BACE2: variants seen among roughly 807,000 people sequenced by gnomAD.
The protein encoded by BACE2 is beta-secretase 2.
Under a neutral mutation model 46.2 loss-of-function variants are expected in BACE2, and 17 were observed. The ratio of observed to expected loss-of-function variants is 0.37; its 90% CI spans 0.25 to 0.55. The LOEUF (loss-of-function observed/expected upper bound fraction) is 0.55, where lower values mean the gene tolerates loss of function less well. BACE2 is among the 20% of genes least tolerant of loss of function. The pLI is 0.82. For synonymous variants in BACE2, 277 were observed against 295.9 expected, an observed-to-expected ratio of 0.94 and a Z score of 0.66; for missense variants, 595 against 698.1, an observed-to-expected ratio of 0.85 and a Z score of 1.66.
In BACE2 at chr21:41,168,459, C is replaced by CCTGCCCTGGCGT. The variant is rs1221656515; in HGVS notation, c.198_209dup (p.Ala67_Ser70dup). The CCTGCCCTGGCGT allele has an allele frequency of 7.1e-7, 1 of 1,398,622 alleles. No individual in the cohort carries two copies. The highest frequency in any genetic ancestry group is 3.3e-5 in the Admixed American group (1 of 30,416). The allele number at this position is 1,398,622 out of a possible 1,614,324, so 86.6% of individuals were successfully genotyped here. On this transcript the variant is annotated inframe_insertion, in exon 1 of 9. Coordinates refer to ENST00000330333, the MANE Select transcript of BACE2 (RefSeq NM_012105.5). ...CGACGGCTTGGCGCTCGCCCTGGAG[C>CCTGCCCTGGCGT]CTGCCCTGGCGTCCCCCGCGGGCGC...
intron 1 of BACE2, among the ~76,000 whole-genome samples, chr21:41,213,064 G>A (rs961263823): frequency 6.6e-6 from 1 of 152,162 alleles, no homozygotes; most frequent in African/African-American, 2.4e-5. Context: ...CCCAGGTGGG[G>A]GCTCATGGAC....
At chr21:41,194,903 T>C (rs1307521630) in intron 1 of BACE2, among the ~76,000 whole-genome samples, 1 of 152,240 alleles carries the variant, frequency 6.6e-6, no homozygotes, top group Non-Finnish European at 1.5e-5. Context: ...TGTTTACTGT[T>C]GTTTTTGTTG....
chr21:41,179,236 T>TGTCCAGGGTGAGGAGTGAGGGA (rs777842563), intron 1 of BACE2: 23 of 1,227,720 alleles, frequency 1.9e-5, no homozygotes, highest in South Asian at 5.5e-5. Context: ...GGAGTGAGGG[T>TGTCCAGGGTGAGGAGTGAGGGA]GTCCAGGGTG....
rs1368825383 is a variant in BACE2, at chr21:41,277,040, C to T, written c.*1416C>T. 6.6e-6 allele frequency: 1 copy of T among 151,314 alleles called. No homozygotes were observed. Among genetic ancestry groups the T allele is most frequent in the Non-Finnish European group, 1.5e-5 (1 of 67,982 alleles). The allele number at this position is 151,314 out of a possible 1,614,324, so 9.4% of individuals were successfully genotyped here. On this transcript the variant is annotated 3_prime_UTR_variant, in exon 9 of 9. Transcript: ENST00000330333. Reference sequence around the variant, plus strand: ...GGAGAAGAGTTAAAAGACAGTATCCCCTCTCTCCTGCTTGTGTGCCAAGTT... The same window carrying T: ...GGAGAAGAGTTAAAAGACAGTATCCTCTCTCTCCTGCTTGTGTGCCAAGTT...
chr21:41,226,734 G>A (rs1468464538), intron 2 of BACE2, among the ~76,000 whole-genome samples: 1 of 152,202 alleles, frequency 6.6e-6, no homozygotes, highest in Non-Finnish European at 1.5e-5. Context: ...AGTCTGTGAG[G>A]CCACTCTGGC....
chr21:41,257,940 G>A (rs1037115454), intron 8 of BACE2, among the ~76,000 whole-genome samples: 3 of 152,166 alleles, frequency 2.0e-5, no homozygotes, highest in Non-Finnish European at 4.4e-5. Flanking sequence ...CAGACTTCAC[G>A]GTTTGCTTGA....
At position 41,276,176 on chromosome 21, in the gene BACE2, C is replaced by T. The variant is rs1433616215; in HGVS notation, c.*552C>T. On this transcript the variant is annotated 3_prime_UTR_variant, in exon 9 of 9. Coordinates refer to ENST00000330333, the MANE Select transcript of BACE2 (RefSeq NM_012105.5). ...CCCTTGAGACCTGGAACCAGAGCCACAGGCCCCTTTTGTGGGTTTCTCTGT... is the reference window on the plus strand; with the variant it reads ...CCCTTGAGACCTGGAACCAGAGCCATAGGCCCCTTTTGTGGGTTTCTCTGT... 6.5e-6 allele frequency: 1 copy of T among 153,988 alleles called. No individual in the cohort carries two copies. The highest frequency in any genetic ancestry group is 2.4e-5 in the African/African-American group (1 of 41,438). 9.5% of individuals were successfully genotyped at this position (153,988 alleles called of 1,614,324 possible). A position where few individuals can be genotyped will look rare whatever the true frequency, so the allele number is the denominator to read the frequency against.
chr21:41,212,525 G>A (rs555536850), intron 1 of BACE2, among the ~76,000 whole-genome samples: 6 of 152,262 alleles, frequency 3.9e-5, no homozygotes, highest in East Asian at 1.9e-4. Flanking sequence ...TGAGGTAGGC[G>A]GGAGGAGGAG....
chr21:41,171,060 A>G (rs2776344), intron 1 of BACE2, among the ~76,000 whole-genome samples: 57,468 of 152,142 alleles, frequency 0.38, 12,295 homozygotes, highest in African/African-American at 0.58. Flanking sequence ...GAACCACCAG[A>G]CAGATAACGA....
At chr21:41,196,088 C>A (rs973878355) in intron 1 of BACE2, among the ~76,000 whole-genome samples, 32 of 152,034 alleles carry the variant, frequency 2.1e-4, no homozygotes, top group African/African-American at 7.7e-4. Flanking sequence ...AGTTTGAGAC[C>A]AGCCTGGCCA....
At chr21:41,231,530 G>A (rs1358162184) in intron 2 of BACE2, among the ~76,000 whole-genome samples, 2 of 152,178 alleles carry the variant, frequency 1.3e-5, no homozygotes, top group South Asian at 2.1e-4. Context: ...TTCTCTTTTC[G>A]TGTTCTCTGC....
intron 8 of BACE2, among the ~76,000 whole-genome samples, chr21:41,271,395 G>A (rs1329976285): frequency 6.6e-6 from 1 of 152,138 alleles, no homozygotes; most frequent in Non-Finnish European, 1.5e-5. Context: ...AAATCAGAAA[G>A]AAGCTAACCT....
chr21:41,169,041 C>T (rs8130664), intron 1 of BACE2, among the ~76,000 whole-genome samples: 1 of 136,854 alleles, frequency 7.3e-6, no homozygotes. Flanking sequence ...TAAAGAGGCT[C>T]GTGGCCGGCT....
chr21:41,252,103 T>C (rs895268519), intron 7 of BACE2, among the ~76,000 whole-genome samples: 7 of 152,214 alleles, frequency 4.6e-5, no homozygotes, highest in African/African-American at 1.7e-4. Flanking sequence ...GTCAGATCAG[T>C]CTTCCTAAAC....
At chr21:41,227,307 C>T (rs1986848593) in intron 2 of BACE2, among the ~76,000 whole-genome samples, 1 of 152,154 alleles carries the variant, frequency 6.6e-6, no homozygotes. Flanking sequence ...AGGCTCGGAA[C>T]TGTCACATTA....
At chr21:41,181,192 AAAG>A (rs1985108087) in intron 1 of BACE2, 1 of 167,114 alleles carries the variant, frequency 6.0e-6, no homozygotes, top group Non-Finnish European at 1.5e-5. Context: ...GCTATTCCTT[AAAG>A]AAGAGGTGAC....
chr21:41,241,838 C>T lies in BACE2; in HGVS notation c.638C>T (p.Thr213Ile). The change falls in exon 4 of 9, where the codon ACC becomes ATC. Residue 213 changes from threonine (T) to isoleucine (I), a missense_variant. Physicochemically the swap from Thr to Ile is moderately conservative, Grantham distance 89 (BLOSUM62 -1). Coordinates refer to ENST00000330333, the MANE Select transcript of BACE2 (RefSeq NM_012105.5). ...CCGCAGCCATCAAGTTCTCTGGAGA[C>T]CTTCTTCGACTCCCTGGTGACACAA... Reference protein sequence around the residue: ...TLAKPSSSLETFFDSLVTQAN... With the variant: ...TLAKPSSSLEIFFDSLVTQAN... The T allele has an allele frequency of 6.2e-7, 1 of 1,614,176 alleles. No homozygotes were observed. The highest frequency in any genetic ancestry group is 8.5e-7 in the Non-Finnish European group (1 of 1,180,010).
intron 1 of BACE2, among the ~76,000 whole-genome samples, chr21:41,215,676 CAG>C (rs978408901): frequency 1.3e-5 from 2 of 152,162 alleles, no homozygotes; most frequent in African/African-American, 2.4e-5. Flanking sequence ...AAGCAGGGAA[CAG>C]GGGCGGGGAC....
At chr21:41,221,950 G>C (rs975692839) in intron 1 of BACE2, among the ~76,000 whole-genome samples, 12 of 152,248 alleles carry the variant, frequency 7.9e-5, no homozygotes, top group African/African-American at 2.9e-4. Flanking sequence ...CTTCACGCTG[G>C]TGGGGCGGAG....
Sources: allele counts gnomAD v4.1 joint callset (sites outside exome capture counted in the v4.1 genomes callset), GRCh38; gene constraint gnomAD v4.1.1; transcripts MANE v1.5; gene names NCBI Gene and HGNC (gene_info 2026-07-23, HGNC 2026-07-21).